The following CTNNA2 variants were observed in gnomAD, a reference collection of about 807,000 sequenced individuals.
CTNNA2 encodes the protein catenin alpha-2.
CTNNA2 carries 42 observed loss-of-function variants against 101.0 expected under a neutral mutation model. That is an observed-to-expected ratio of 0.42 (90% CI 0.32 to 0.54). The LOEUF (loss-of-function observed/expected upper bound fraction) is 0.54, where lower values mean the gene tolerates loss of function less well. Among genes scored for constraint, CTNNA2 ranks in the 20% least tolerant of loss-of-function variants. CTNNA2 has a pLI of 0.14. For synonymous variants in CTNNA2, 450 were observed against 456.4 expected, an observed-to-expected ratio of 0.99 and a Z score of 0.18; for missense variants, 871 against 1,223.1, an observed-to-expected ratio of 0.71 and a Z score of 4.29.
At chr2:79,655,733 G>A (rs755019812) in intron 2 of CTNNA2, among the ~76,000 whole-genome samples, 3 of 151,770 alleles carry the variant, frequency 2.0e-5, no homozygotes, top group Non-Finnish European at 4.4e-5. Context: ...GGAGGCTGAG[G>A]CAGGAGAATC....
chr2:80,510,657 ATT>A (rs1559169037), intron 9 of CTNNA2, among the ~76,000 whole-genome samples: 1 of 152,238 alleles, frequency 6.6e-6, no homozygotes, highest in South Asian at 2.1e-4. Flanking sequence ...ATTGATGATC[ATT>A]TGTTATAGTG....
intron 17 of CTNNA2, among the ~76,000 whole-genome samples, chr2:80,610,865 G>A (rs867465998): frequency 1.3e-5 from 2 of 151,568 alleles, no homozygotes; most frequent in Non-Finnish European, 3.0e-5. Context: ...AACAGGTCAC[G>A]GAGGAGAATG....
intron 4 of CTNNA2, among the ~76,000 whole-genome samples, chr2:79,412,283 C>T (rs1678423015): frequency 6.6e-6 from 1 of 152,076 alleles, no homozygotes; most frequent in African/African-American, 2.4e-5. Flanking sequence ...TAGACTCCCA[C>T]ATAATAATAA....
chr2:80,304,610 T>TGCGGGCGGCGGGCG (rs879693637), intron 7 of CTNNA2: 1 of 148,544 alleles, frequency 6.7e-6, no homozygotes, highest in Non-Finnish European at 1.5e-5. Flanking sequence ...ACTCATGCTT[T>TGCGGGCGGCGGGCG]GCGGGCGGCG....
At chr2:80,142,171 C>T (rs1346783670) in intron 7 of CTNNA2, among the ~76,000 whole-genome samples, 1 of 152,178 alleles carries the variant, frequency 6.6e-6, no homozygotes, top group Non-Finnish European at 1.5e-5. Flanking sequence ...AGATGTCCCA[C>T]TTTTTTAGGT....
At chr2:79,962,945 C>T (rs62139976) in intron 7 of CTNNA2, among the ~76,000 whole-genome samples, 41,878 of 150,392 alleles carry the variant, frequency 0.28, 6,549 homozygotes, top group Non-Finnish European at 0.35. Flanking sequence ...GTGGCGGGCG[C>T]CTGTAGTCCC....
intron 4 of CTNNA2, among the ~76,000 whole-genome samples, chr2:79,456,870 A>C (rs758912318): frequency 1.3e-5 from 2 of 152,182 alleles, no homozygotes; most frequent in Non-Finnish European, 2.9e-5. Flanking sequence ...GTGTTAGACT[A>C]CAAATAGAGT....
intron 2 of CTNNA2, among the ~76,000 whole-genome samples, chr2:79,295,639 T>A (rs965625572): frequency 3.9e-4 from 60 of 152,188 alleles, no homozygotes; most frequent in Admixed American, 1.1e-3. Flanking sequence ...AAATCTCTTT[T>A]CCTGGCAGAT....
intron 1 of CTNNA2, among the ~76,000 whole-genome samples, chr2:79,604,289 C>T (rs1434528593): frequency 6.6e-6 from 1 of 152,126 alleles, no homozygotes; most frequent in Non-Finnish European, 1.5e-5. Flanking sequence ...TGGCATGAGG[C>T]CAGATTTAAC....
At chr2:79,461,935 G>C (rs915934270) in intron 4 of CTNNA2, among the ~76,000 whole-genome samples, 4 of 151,902 alleles carry the variant, frequency 2.6e-5, no homozygotes, top group Admixed American at 1.3e-4. Flanking sequence ...CCAATGTACA[G>C]TAGCAAAAAT....
intron 6 of CTNNA2, among the ~76,000 whole-genome samples, chr2:79,885,075 C>T (rs1683750695): frequency 6.6e-6 from 1 of 152,098 alleles, no homozygotes. Context: ...GTTCACATGG[C>T]AGCAGTCATT....
At chr2:80,492,891 C>T (rs1037569989) in intron 9 of CTNNA2, among the ~76,000 whole-genome samples, 1 of 152,120 alleles carries the variant, frequency 6.6e-6, no homozygotes, top group African/African-American at 2.4e-5. Flanking sequence ...CCATAATTCC[C>T]TTGGCGGACT....
chr2:80,561,502 A>G (rs1693590052), intron 12 of CTNNA2, among the ~76,000 whole-genome samples: 1 of 152,184 alleles, frequency 6.6e-6, no homozygotes, highest in South Asian at 2.1e-4. Context: ...TAAGCATGTC[A>G]GTTTCCCATG....
At chr2:79,947,796 A>G (rs1014723143) in intron 7 of CTNNA2, among the ~76,000 whole-genome samples, 1 of 152,190 alleles carries the variant, frequency 6.6e-6, no homozygotes, top group African/African-American at 2.4e-5. Context: ...CATGTCATGA[A>G]GTGGTGTAAG....
At chr2:79,769,426 C>T (rs1029731038) in intron 3 of CTNNA2, among the ~76,000 whole-genome samples, 1 of 152,144 alleles carries the variant, frequency 6.6e-6, no homozygotes, top group African/African-American at 2.4e-5. Context: ...AAGTGAAACC[C>T]TCCATAAAGT....
chr2:79,479,049 T>C (rs1671081687), intron 4 of CTNNA2, among the ~76,000 whole-genome samples: 1 of 152,214 alleles, frequency 6.6e-6, no homozygotes, highest in South Asian at 2.1e-4. Context: ...CTTTATTTTG[T>C]CAATTTTTGA....
chr2:80,228,228 A>T (rs1420525089), intron 7 of CTNNA2, among the ~76,000 whole-genome samples: 1 of 152,210 alleles, frequency 6.6e-6, no homozygotes, highest in Non-Finnish European at 1.5e-5. Context: ...TAAACAACAG[A>T]AGTTTATTGC....
At chr2:79,689,719 T>C (rs1684165962) in intron 2 of CTNNA2, among the ~76,000 whole-genome samples, 1 of 152,002 alleles carries the variant, frequency 6.6e-6, no homozygotes, top group African/African-American at 2.4e-5. Flanking sequence ...TATGCATTAA[T>C]GTAATACTAT....
chr2:80,095,130 G>A (rs1274379608), intron 7 of CTNNA2, among the ~76,000 whole-genome samples: 3 of 152,196 alleles, frequency 2.0e-5, no homozygotes, highest in African/African-American at 7.2e-5. Flanking sequence ...GTATGATATT[G>A]GCTGTGGGTT....
Sources: allele counts gnomAD v4.1 joint callset (sites outside exome capture counted in the v4.1 genomes callset), GRCh38; gene constraint gnomAD v4.1.1; transcripts MANE v1.5; gene names NCBI Gene and HGNC (gene_info 2026-07-23, HGNC 2026-07-21).